The following CSGALNACT1 variants were observed in gnomAD, a reference collection of about 807,000 sequenced individuals.
The protein encoded by CSGALNACT1 is chondroitin sulfate N-acetylgalactosaminyltransferase 1.
A neutral mutation model predicts 51.0 loss-of-function variants in CSGALNACT1; 52 were observed. That is an observed-to-expected ratio of 1.02 (90% CI 0.82 to 1.29). The LOEUF (loss-of-function observed/expected upper bound fraction) is 1.29. Among genes scored for constraint, CSGALNACT1 ranks in the 50% most tolerant of loss-of-function variants. The pLI, the probability that CSGALNACT1 is intolerant of heterozygous loss-of-function variation, is 0.00. For missense variants in CSGALNACT1, 935 were observed against 679.2 expected, an observed-to-expected ratio of 1.38 and a Z score of -4.19; for synonymous variants, 341 against 254.4, an observed-to-expected ratio of 1.34 and a Z score of -3.24.
intron 6 of CSGALNACT1, among the ~76,000 whole-genome samples, chr8:19,421,024 G>A (rs780849106): frequency 6.6e-6 from 1 of 152,158 alleles, no homozygotes; most frequent in African/African-American, 2.4e-5. Flanking sequence ...GATTCCTTCC[G>A]CATCCTCGGG....
chr8:19,596,095 T>C (rs534018018), intron 2 of CSGALNACT1, among the ~76,000 whole-genome samples: 1 of 152,230 alleles, frequency 6.6e-6, no homozygotes, highest in East Asian at 1.9e-4. Context: ...CTTGAACTCC[T>C]GAGCTCAAGC....
chr8:19,427,324 T>C (rs2058921363), intron 6 of CSGALNACT1, among the ~76,000 whole-genome samples: 1 of 152,160 alleles, frequency 6.6e-6, no homozygotes, highest in South Asian at 2.1e-4. Flanking sequence ...ATCCTCAGAT[T>C]GTCTTTTCTT....
chr8:19,730,860 G>A (rs1481930773), intron 1 of CSGALNACT1, among the ~76,000 whole-genome samples: 2 of 152,194 alleles, frequency 1.3e-5, no homozygotes, highest in Admixed American at 1.3e-4. Flanking sequence ...AATGGCCACT[G>A]GCCAGAGCTG....
chr8:19,464,425 C>T (rs574882519), intron 4 of CSGALNACT1, among the ~76,000 whole-genome samples: 3 of 152,294 alleles, frequency 2.0e-5, no homozygotes, highest in Non-Finnish European at 4.4e-5. Context: ...CAAGATGCTC[C>T]GTAATCAGGG....
Position 19,668,433 on chromosome 8 carries a change from T to A in CSGALNACT1, c.-544+14040A>T, listed in dbSNP as rs917496491. On this transcript the variant is annotated intron_variant, in intron 1 of 9. Transcript: ENST00000332246. ...ATTTTAGAATTTAAAAACTAAAAAA[T>A]TATTAAGAAGTTGAATCCTTAAGTA... Among the ~76,000 whole-genome samples, 3 of 152,274 alleles carry A rather than the reference T, an allele frequency of 2.0e-5. 1 individual carries two copies. Among genetic ancestry groups the A allele is most frequent in the African/African-American group, 7.2e-5 (3 of 41,540 alleles).
intron 6 of CSGALNACT1, among the ~76,000 whole-genome samples, chr8:19,434,433 TGA>T (rs2060081010): frequency 6.6e-6 from 1 of 152,182 alleles, no homozygotes; most frequent in African/African-American, 2.4e-5. Flanking sequence ...CTGAAGGATT[TGA>T]GAGTTAGTTT....
At chr8:19,427,946 G>T (rs2059033664) in intron 6 of CSGALNACT1, among the ~76,000 whole-genome samples, 1 of 152,122 alleles carries the variant, frequency 6.6e-6, no homozygotes, top group South Asian at 2.1e-4. Context: ...CCCAGGTGAG[G>T]GAAGCAGTCT....
chr8:19,410,156 C>G (rs977740075), intron 8 of CSGALNACT1, among the ~76,000 whole-genome samples: 1 of 152,222 alleles, frequency 6.6e-6, no homozygotes, highest in African/African-American at 2.4e-5. Flanking sequence ...CTCCTGCAAG[C>G]ATCAGGACTG....
chr8:19,514,550 G>T (rs953959580), intron 3 of CSGALNACT1, among the ~76,000 whole-genome samples: 24 of 137,686 alleles, frequency 1.7e-4, no homozygotes, highest in African/African-American at 6.5e-4. Context: ...GCCAGGCACA[G>T]TGGCTCTCGC....
chr8:19,636,530 A>G (rs573577074), intron 1 of CSGALNACT1, among the ~76,000 whole-genome samples: 52 of 152,264 alleles, frequency 3.4e-4, no homozygotes, highest in African/African-American at 1.1e-3. Context: ...ACAGTTTTTT[A>G]TATTCTATGC....
intron 1 of CSGALNACT1, among the ~76,000 whole-genome samples, chr8:19,675,732 T>C (rs2060127748): frequency 6.6e-6 from 1 of 152,096 alleles, no homozygotes; most frequent in African/African-American, 2.4e-5. Context: ...AACCTCGTGA[T>C]CCACCTCAGC....
intron 1 of CSGALNACT1, among the ~76,000 whole-genome samples, chr8:19,739,950 G>T (rs2064209143): frequency 6.6e-6 from 1 of 152,204 alleles, no homozygotes; most frequent in African/African-American, 2.4e-5. Context: ...TAGACCAGCA[G>T]ATACTCAAAC....
chr8:19,541,554 T>G (rs1260348144), intron 3 of CSGALNACT1, among the ~76,000 whole-genome samples: 1 of 44,478 alleles, frequency 2.2e-5, no homozygotes, highest in East Asian at 8.9e-4. Context: ...GCTCAGCCAA[T>G]TTTTTTTTTT....
At chr8:19,704,150 CTT>C (rs2062030537) in intron 1 of CSGALNACT1, among the ~76,000 whole-genome samples, 1 of 152,194 alleles carries the variant, frequency 6.6e-6, no homozygotes, top group African/African-American at 2.4e-5. Context: ...TTCTTATTCT[CTT>C]CTCTCCCTCC....
At chr8:19,655,918 G>A (rs1033699226) in intron 1 of CSGALNACT1, among the ~76,000 whole-genome samples, 1 of 152,168 alleles carries the variant, frequency 6.6e-6, no homozygotes, top group African/African-American at 2.4e-5. Flanking sequence ...CCACTACTAT[G>A]CTAATTGAAA....
chr8:19,479,829 GA>G (rs1212623661), intron 4 of CSGALNACT1, among the ~76,000 whole-genome samples: 198 of 6,762 alleles, frequency 0.029, 6 homozygotes, highest in African/African-American at 0.075. Context: ...AAAGAACTTA[GA>G]AAAAAAAAAA....
At chr8:19,649,849 C>T (rs946534117) in intron 1 of CSGALNACT1, among the ~76,000 whole-genome samples, 16 of 18,472 alleles carry the variant, frequency 8.7e-4, no homozygotes, top group Admixed American at 7.4e-3. Flanking sequence ...AAAAAAACCA[C>T]GGGGGGAGGC....
chr8:19,612,704 T>C (rs960569618), intron 1 of CSGALNACT1, among the ~76,000 whole-genome samples: 3 of 151,968 alleles, frequency 2.0e-5, no homozygotes, highest in Non-Finnish European at 2.9e-5. Flanking sequence ...TGATCCAAAG[T>C]CCTACTACAT....
chr8:19,446,066 T>C (rs1025950891), intron 5 of CSGALNACT1, among the ~76,000 whole-genome samples: 1 of 151,956 alleles, frequency 6.6e-6, no homozygotes, highest in Admixed American at 6.6e-5. Context: ...TAGCAGCTAT[T>C]TGGGAGGCCG....
Sources: allele counts gnomAD v4.1 joint callset (sites outside exome capture counted in the v4.1 genomes callset), GRCh38; gene constraint gnomAD v4.1.1; transcripts MANE v1.5; gene names NCBI Gene and HGNC (gene_info 2026-07-23, HGNC 2026-07-21).